ADGRG5: variants seen among roughly 807,000 people sequenced by gnomAD.
ADGRG5 encodes the protein G protein-coupled receptor 114.
Under a neutral mutation model 53.2 loss-of-function variants are expected in ADGRG5, and 37 were observed. The ratio of observed to expected loss-of-function variants is 0.70; its 90% CI spans 0.53 to 0.91. ADGRG5 has a LOEUF of 0.91. ADGRG5 is among the 40% of genes least tolerant of loss of function. The pLI is 0.00. For synonymous variants in ADGRG5, 277 were observed against 290.4 expected (o/e 0.95, Z 0.47); for missense variants, 614 against 675.8 (o/e 0.91, Z 1.01).
chr16:57,572,561 G>A (rs1447631980), intron 10 of ADGRG5, among the ~76,000 whole-genome samples: 1 of 151,844 alleles, frequency 6.6e-6, no homozygotes, highest in Non-Finnish European at 1.5e-5. Flanking sequence ...ACATGGTAGC[G>A]GGTGCCTGTA....
chr16:57,539,454 CTTTT>C (rs35729717), upstream of ADGRG5, among the ~76,000 whole-genome samples: 1 of 141,504 alleles, frequency 7.1e-6, no homozygotes, highest in East Asian at 2.0e-4. Flanking sequence ...CACTGTACCC[CTTTT>C]TTTTTTTTTT....
chr16:57,563,170 C>T lies in ADGRG5; in HGVS notation c.220C>T (p.Gln74Ter). ...YNLTLQTPTI[Q>*]SLAFKLSCDF... ...CCTGACCTTGCAGACACCCACCATC[C>T]AGTCTCTGGCCTTCAAGCTGAGCTG... is the stretch of plus-strand genomic sequence containing the variant. Residue 74 changes from glutamine to a stop codon, truncating the protein, a stop_gained, in exon 4 of 12, where the codon CAG (glutamine) becomes TAG (stop). Coordinates refer to ENST00000349457, the MANE Select transcript of ADGRG5 (RefSeq NM_001304376.3). LOFTEE classifies it high-confidence loss of function. 6.2e-7 allele frequency: 1 copy of T among 1,614,154 alleles called. No individual in the cohort carries two copies. The highest frequency in any genetic ancestry group is 1.1e-5 in the South Asian group (1 of 91,092).
upstream of ADGRG5, chr16:57,542,399 C>G (rs1431653003): frequency 2.0e-5 from 3 of 152,380 alleles, no homozygotes; most frequent in Non-Finnish European, 4.4e-5. Context: ...AGCACCTCCA[C>G]AGAGGAGCAG....
At chr16:57,570,895 T>A (rs2033334926) in intron 10 of ADGRG5, among the ~76,000 whole-genome samples, 1 of 152,154 alleles carries the variant, frequency 6.6e-6, no homozygotes, top group Admixed American at 6.5e-5. Context: ...ACCACCTTGC[T>A]GCACCTACCC....
In ADGRG5 at chr16:57,552,464, T is replaced by C. The variant is rs113644768; in HGVS notation, c.-38-9592T>C. ...TGTTTCACTTTGTACTGCTATGTCA[T>C]GGAGATGGCTTTTTTCCTGAAACCT... is the stretch of plus-strand genomic sequence containing the variant. On this transcript the variant is annotated intron_variant, in intron 1 of 11. Coordinates refer to ENST00000349457, the MANE Select transcript of ADGRG5 (RefSeq NM_001304376.3). 4.0e-3 allele frequency among the ~76,000 whole-genome samples: 606 copies of C among 152,340 alleles called. 6 individuals are homozygous for C. Among genetic ancestry groups the C allele is most frequent in the African/African-American group, 0.014 (586 of 41,568 alleles).
intron 4 of ADGRG5, 90 bp downstream of exon 4, chr16:57,563,337 C>T (rs2033050861): frequency 8.7e-7 from 1 of 1,149,646 alleles, no homozygotes; most frequent in Non-Finnish European, 1.3e-6. Context: ...TTAGGCTCCA[C>T]TGTCTTCCTC....
In ADGRG5 at chr16:57,562,389, T is replaced by G; in HGVS notation, c.70T>G (p.Trp24Gly). ...GGGGAGGTGTGTCCCCACAGAGACA[T>G]GGGAAGAACTCCTGAGCTACATGGA... is the stretch of plus-strand genomic sequence containing the variant. ...LTLQNATTET[W>G]EELLSYMENM... The change falls in exon 3 of 12, where the codon TGG becomes GGG. Residue 24 changes from tryptophan to glycine, a missense_variant. Trp to Gly is a radical substitution (Grantham distance 184, BLOSUM62 -2). Transcript: ENST00000349457. 1.9e-6 allele frequency: 3 copies of G among 1,605,814 alleles called. No homozygotes were observed. The highest frequency in any genetic ancestry group is 2.5e-6 in the Non-Finnish European group (3 of 1,176,958).
rs1161826722 is a variant in ADGRG5 at position 57,574,950 on chromosome 16, A to G, written c.1344A>G (p.Pro448=). The change falls in exon 11 of 12, where the codon CCA becomes CCG. Residue 448 remains proline, a synonymous_variant. Coordinates refer to ENST00000349457, the MANE Select transcript of ADGRG5 (RefSeq NM_001304376.3). The surrounding 1 kb of genome is among the most constrained non-coding windows in gnomAD (Gnocchi z 4.4). ...GGCTGCGGGAGCGGGCGGATGCACC[A>G]AGTGTCAGGGCCTGCCATGACACTG... ...LRRLRERADA[P]SVRACHDTVT... is the part of the protein sequence containing the mutation. The G allele has an allele frequency of 1.9e-6, 3 of 1,613,676 alleles. No homozygotes were observed. The African/African-American group carries it at 4.0e-5, about 21-fold the overall frequency.
In ADGRG5 at chr16:57,574,852, G is replaced by C. The variant is rs745375232; in HGVS notation, c.1246G>C (p.Val416Leu). Residue 416 changes from valine to leucine, a missense_variant, in exon 11 of 12, where the codon GTC becomes CTC. By Grantham distance (32) the Val-to-Leu change is conservative. Coordinates refer to ENST00000349457, the MANE Select transcript of ADGRG5 (RefSeq NM_001304376.3). This position sits in a 1 kb window ranked among gnomAD's most constrained non-coding sequence, Gnocchi z 4.4. ...GAGCCCCGTGGTGCACAGTGTCCTG[G>C]TCATGGGCTACGGCGGCCTCACGTC... The part of the protein sequence containing the change: ...VRSPVVHSVL[V>L]MGYGGLTSLF... The C allele has an allele frequency of 3.7e-6, 6 of 1,608,850 alleles. No individual in the cohort carries two copies. Among genetic ancestry groups the C allele is most frequent in the Non-Finnish European group, 5.1e-6 (6 of 1,177,756 alleles).
In ADGRG5 at chr16:57,575,059, C is replaced by A. The variant is rs1313865010; in HGVS notation, c.1453C>A (p.Leu485Met). Residue 485 changes from leucine (L) to methionine (M), a missense_variant, in exon 11 of 12, where the codon CTG becomes ATG. Coordinates refer to ENST00000349457, the MANE Select transcript of ADGRG5 (RefSeq NM_001304376.3). ...TTTTGGCGTCTTCCTGCTGCCCCAG[C>A]TGTTCCTCTTCACCATCTTAAACTC... is the stretch of plus-strand genomic sequence containing the variant. ...FSFGVFLLPQ[L>M]FLFTILNSLY... The A allele has an allele frequency of 6.2e-7, 1 of 1,613,760 alleles. No individual in the cohort carries two copies. The highest frequency in any genetic ancestry group is 1.7e-5 in the Admixed American group (1 of 60,012).
Position 57,567,986 on chromosome 16 carries a change from G to C in ADGRG5, c.952G>C (p.Ala318Pro), listed in dbSNP as rs555795793. The stretch of plus-strand genomic sequence containing the variant: ...GCCCGGGTCAGCATGCACGGCTCTG[G>C]CCGCTGCCCTGCACTACGCGCTGCT... ...PVPGSACTAL[A>P]AALHYALLSC... Residue 318 changes from alanine to proline, a missense_variant, in exon 9 of 12, where the codon GCC (alanine) becomes CCC (proline). Ala to Pro is a conservative substitution (Grantham distance 27, BLOSUM62 -1). Transcript: ENST00000349457. The C allele has an allele frequency of 6.2e-7, 1 of 1,614,036 alleles. No homozygotes were observed. The highest frequency in any genetic ancestry group is 1.1e-5 in the South Asian group (1 of 91,090).
At chr16:57,537,820 C>G (rs2032426826), upstream of ADGRG5, among the ~76,000 whole-genome samples, 1 of 152,118 alleles carries the variant, frequency 6.6e-6, no homozygotes, top group Non-Finnish European at 1.5e-5. Flanking sequence ...ATTTGTTATG[C>G]GTGGCTGAAT....
chr16:57,547,506 G>A (rs1178874925), intron 1 of ADGRG5, among the ~76,000 whole-genome samples: 1 of 152,154 alleles, frequency 6.6e-6, no homozygotes, highest in Non-Finnish European at 1.5e-5. Context: ...GTGCAGTGGC[G>A]CGATCTCGGC....
rs1210107396 is a variant in ADGRG5 at position 57,566,591 on chromosome 16, C to G, written c.547-8C>G. ...GCACCCTATGACTGACCCAGCATCT[C>G]CACCCAGGAAGGCTACACCCTGACC... On this transcript the variant is annotated splice_polypyrimidine_tract_variant and splice_region_variant and intron_variant, in intron 6 of 11. Coordinates refer to ENST00000349457, the MANE Select transcript of ADGRG5 (RefSeq NM_001304376.3). The G allele has an allele frequency of 6.7e-7, 1 of 1,488,062 alleles. No individual in the cohort carries two copies. Among genetic ancestry groups the G allele is most frequent in the Non-Finnish European group, 8.9e-7 (1 of 1,117,884 alleles). The allele number at this position is 1,488,062 out of a possible 1,614,324, so 92.2% of individuals were successfully genotyped here.
upstream of ADGRG5, among the ~76,000 whole-genome samples, chr16:57,539,820 GTA>G (rs10577278): frequency 0.32 from 47,980 of 150,588 alleles, 7,723 homozygotes; most frequent in East Asian, 0.43. Flanking sequence ...GTGTGTGCGT[GTA>G]TATATATATA....
chr16:57,551,888 A>G (rs1380013535), intron 1 of ADGRG5, among the ~76,000 whole-genome samples: 1 of 152,218 alleles, frequency 6.6e-6, no homozygotes, highest in Non-Finnish European at 1.5e-5. Flanking sequence ...TGAAGGTCGA[A>G]ATGACTCCTT....
chr16:57,542,589 G>A (rs571897709), upstream of ADGRG5: 1 of 152,546 alleles, frequency 6.6e-6, no homozygotes, highest in African/African-American at 2.4e-5. Context: ...GGGTGCAGGT[G>A]TGGGGCAAAG....
At chr16:57,536,852 C>T in the ADGRG5 span, among the ~76,000 whole-genome samples, 1 of 152,140 alleles carries the variant, frequency 6.6e-6, no homozygotes, top group South Asian at 2.1e-4. Flanking sequence ...TTTCTTGGTT[C>T]AGGTTTCCTC....
intron 5 of ADGRG5, among the ~76,000 whole-genome samples, chr16:57,564,252 C>A (rs1408426227): frequency 6.6e-6 from 1 of 152,078 alleles, no homozygotes; most frequent in Non-Finnish European, 1.5e-5. Flanking sequence ...CAAGAAGGCA[C>A]TTATTATTCC....
Sources: gnomAD v4.1 joint callset for allele counts (sites outside exome capture counted in the v4.1 genomes callset) on GRCh38, gnomAD v4.1.1 for gene constraint, Gnocchi (gnomAD v3.1) non-coding constraint, MANE v1.5 for transcripts, NCBI Gene and HGNC (gene_info 2026-07-23, HGNC 2026-07-21) for gene names.